CRY1: variants seen among roughly 807,000 people sequenced by gnomAD.
The protein encoded by CRY1 is cryptochrome-1.
Under a neutral mutation model 76.0 loss-of-function variants are expected in CRY1, and 45 were observed. The ratio of observed to expected loss-of-function variants is 0.59; its 90% CI spans 0.47 to 0.76. The LOEUF is 0.76. Ranked by LOEUF, CRY1 falls within the 30% of genes least tolerant of loss-of-function variation. The pLI is 0.00. For synonymous variants in CRY1, 248 were observed against 244.0 expected, an observed-to-expected ratio of 1.02 and a Z score of -0.15; for missense variants, 587 against 716.4, an observed-to-expected ratio of 0.82 and a Z score of 2.06.
chr12:107,083,697 TA>T (rs1241499914), intron 1 of CRY1, among the ~76,000 whole-genome samples: 1 of 152,162 alleles, frequency 6.6e-6, no homozygotes, highest in East Asian at 1.9e-4. Context: ...TTACTCAGAA[TA>T]ATAAGAGCTA....
In CRY1 at chr12:107,093,159, G is replaced by A; in HGVS notation, c.-198C>T. The A allele has an allele frequency of 1.7e-6, 1 of 603,080 alleles. No homozygotes were observed. The highest frequency in any genetic ancestry group is 2.7e-6 in the Non-Finnish European group (1 of 373,048). The allele number at this position is 603,080 out of a possible 1,614,324, so 37.4% of individuals were successfully genotyped here. ...CGGAGGCGCAGTGGAAAGATGAATG[G>A]AGGTTGCCTAGTCGGCGGAGTCCGG... On this transcript the variant is annotated 5_prime_UTR_variant, in exon 1 of 13. Coordinates refer to ENST00000008527, the MANE Select transcript of CRY1 (RefSeq NM_004075.5).
chr12:107,067,283 C>G (rs1286133687), intron 1 of CRY1, among the ~76,000 whole-genome samples: 2 of 152,038 alleles, frequency 1.3e-5, no homozygotes, highest in Non-Finnish European at 2.9e-5. Context: ...TCTAACTCTT[C>G]AAGAAAGTTG....
At chr12:107,036,005 C>T (rs1952728874) in intron 1 of CRY1, among the ~76,000 whole-genome samples, 1 of 152,202 alleles carries the variant, frequency 6.6e-6, no homozygotes, top group African/African-American at 2.4e-5. Flanking sequence ...GCTGAGTTCA[C>T]TGCAGCTCCA....
chr12:107,024,006 G>C (rs1388361702), intron 1 of CRY1, among the ~76,000 whole-genome samples: 1 of 152,202 alleles, frequency 6.6e-6, no homozygotes, highest in Admixed American at 6.5e-5. Flanking sequence ...AGAGTTACTA[G>C]ACAGAACAAA....
intron 1 of CRY1, among the ~76,000 whole-genome samples, chr12:107,041,449 T>C (rs1057269274): frequency 1.3e-5 from 2 of 152,260 alleles, no homozygotes; most frequent in Non-Finnish European, 2.9e-5. Flanking sequence ...TGATCTTTAC[T>C]TGAAGTATTT....
chr12:107,048,955 C>T (rs1952882627), intron 1 of CRY1, among the ~76,000 whole-genome samples: 1 of 152,044 alleles, frequency 6.6e-6, no homozygotes, highest in African/African-American at 2.4e-5. Context: ...TTACCGTGTT[C>T]CAGACATTAT....
intron 1 of CRY1, among the ~76,000 whole-genome samples, chr12:107,024,171 C>T (rs925199420): frequency 6.6e-6 from 1 of 152,140 alleles, no homozygotes; most frequent in African/African-American, 2.4e-5. Flanking sequence ...CCATTAGTTT[C>T]AAAATCTTCC....
At chr12:107,034,043 TA>T (rs1351848755) in intron 1 of CRY1, among the ~76,000 whole-genome samples, 1 of 151,656 alleles carries the variant, frequency 6.6e-6, no homozygotes, top group Admixed American at 6.6e-5. Context: ...TAGGCGTTCT[TA>T]GTCACAGGGT....
chr12:107,060,654 G>A (rs995640374), intron 1 of CRY1, among the ~76,000 whole-genome samples: 9 of 152,132 alleles, frequency 5.9e-5, no homozygotes, highest in Non-Finnish European at 1.0e-4. Context: ...GGAACTGAAC[G>A]CAGGTCTTTC....
intron 1 of CRY1, among the ~76,000 whole-genome samples, chr12:107,085,901 C>T (rs1953394388): frequency 6.6e-6 from 1 of 151,642 alleles, no homozygotes; most frequent in African/African-American, 2.4e-5. Context: ...AAACAAAAAA[C>T]CTCATACACA....
intron 2 of CRY1, among the ~76,000 whole-genome samples, chr12:107,010,331 G>C (rs1731191925): frequency 6.6e-6 from 1 of 151,888 alleles, no homozygotes; most frequent in Admixed American, 6.6e-5. Context: ...ACCCGTTTTT[G>C]GCTTTGTTGA....
At chr12:107,020,661 C>T (rs1487268697) in intron 2 of CRY1, among the ~76,000 whole-genome samples, 1 of 152,064 alleles carries the variant, frequency 6.6e-6, no homozygotes, top group East Asian at 1.9e-4. Context: ...TTTCCTGAGG[C>T]CTTCCCAGAA....
At chr12:107,057,900 AAAC>A (rs1436721341) in intron 1 of CRY1, among the ~76,000 whole-genome samples, 3 of 151,978 alleles carry the variant, frequency 2.0e-5, no homozygotes, top group Admixed American at 2.0e-4. Context: ...CTCTCCAAAA[AAAC>A]AACAAAAAAA....
chr12:107,055,819 T>C (rs1270494841), intron 1 of CRY1, among the ~76,000 whole-genome samples: 8 of 151,018 alleles, frequency 5.3e-5, no homozygotes, highest in South Asian at 4.2e-4. Flanking sequence ...AGCAAGACCC[T>C]GTCTCAAAAA....
At chr12:107,080,099 CCT>C (rs1440177061) in intron 1 of CRY1, among the ~76,000 whole-genome samples, 1 of 152,010 alleles carries the variant, frequency 6.6e-6, no homozygotes, top group African/African-American at 2.4e-5. Flanking sequence ...CTATAAACTC[CCT>C]GAGGGCAGAG....
At chr12:106,993,253 C>T (rs1226748447) in intron 10 of CRY1, among the ~76,000 whole-genome samples, 1 of 151,878 alleles carries the variant, frequency 6.6e-6, no homozygotes, top group Non-Finnish European at 1.5e-5. Context: ...AAGGAAAAAT[C>T]ATTGATGATC....
intron 1 of CRY1, among the ~76,000 whole-genome samples, chr12:107,054,756 A>G (rs560992391): frequency 3.4e-4 from 52 of 152,078 alleles, no homozygotes; most frequent in Non-Finnish European, 6.8e-4. Context: ...AATATACTAT[A>G]AAGTCACGTT....
Position 106,999,966 on chromosome 12 carries a change from G to A in CRY1, c.801C>T (p.Phe267=), listed in dbSNP as rs1217808457. 6.2e-7 allele frequency: 1 copy of A among 1,610,762 alleles called. No individual in the cohort carries two copies. The highest frequency in any genetic ancestry group is 8.5e-7 in the Non-Finnish European group (1 of 1,179,318). Residue 267 remains phenylalanine (F), a synonymous_variant, in exon 6 of 13, where the codon TTC becomes TTT. Coordinates refer to ENST00000008527, the MANE Select transcript of CRY1 (RefSeq NM_004075.5). The part of the protein sequence containing the change: ...FGCLSCRLFY[F]KLTDLYKKVK... ...CCTTTTTGTAGAGATCTGTTAGTTT[G>A]AAGTAAAACAGTCGACATGACAAAC...
At position 107,001,289 on chromosome 12, in the gene CRY1, C is replaced by CA. The variant is rs1365199323; in HGVS notation, c.674dup (p.Leu225PhefsTer11). 1 of 1,612,732 alleles carries CA rather than the reference C, an allele frequency of 6.2e-7. No homozygotes were observed. Among genetic ancestry groups the CA allele is most frequent in the East Asian group, 2.2e-5 (1 of 44,830 alleles). ...ATCTACATTATCATACTTTTCTTTCCAAATGCCTTTCCAAACGAGTAAGTG... is the reference window on the plus strand; with the variant it reads ...ATCTACATTATCATACTTTTCTTTCCAAAATGCCTTTCCAAACGAGTAAGTG... On this transcript the variant is annotated frameshift_variant, in exon 5 of 13. Coordinates refer to ENST00000008527, the MANE Select transcript of CRY1 (RefSeq NM_004075.5). LOFTEE classifies it high-confidence loss of function.
Sources: allele counts gnomAD v4.1 joint callset (sites outside exome capture counted in the v4.1 genomes callset), GRCh38; gene constraint gnomAD v4.1.1; transcripts MANE v1.5; gene names NCBI Gene and HGNC (gene_info 2026-07-23, HGNC 2026-07-21).